Variants in KCTD8 observed in about 807,000 individuals in gnomAD.
The protein encoded by KCTD8 is potassium channel tetramerization domain containing 8.
A neutral mutation model predicts 31.5 loss-of-function variants in KCTD8; 27 were observed. The observed-to-expected ratio is 0.86, with a 90% CI of 0.63 to 1.18. KCTD8 has a LOEUF of 1.18. Among genes scored for constraint, KCTD8 ranks in the 50% most tolerant of loss-of-function variants. KCTD8 has a pLI of 0.00. For synonymous variants in KCTD8, 290 were observed against 280.0 expected (o/e 1.04, Z -0.36); for missense variants, 658 against 647.7 (o/e 1.02, Z -0.17).
chr4:44,380,891 G>A (rs1720047222), intron 1 of KCTD8, among the ~76,000 whole-genome samples: 1 of 151,952 alleles, frequency 6.6e-6, no homozygotes, highest in African/African-American at 2.4e-5. Flanking sequence ...AAAATGTGAA[G>A]ACTCTCAAAG....
At chr4:44,253,388 C>A (rs937193725) in intron 1 of KCTD8, among the ~76,000 whole-genome samples, 3 of 151,572 alleles carry the variant, frequency 2.0e-5, no homozygotes, top group Non-Finnish European at 3.0e-5. Context: ...AAGCATTTGT[C>A]TCTGGTGGAT....
At chr4:44,424,992 T>C (rs530915980) in intron 1 of KCTD8, among the ~76,000 whole-genome samples, 20 of 151,932 alleles carry the variant, frequency 1.3e-4, no homozygotes, top group Admixed American at 4.6e-4. Flanking sequence ...CCTAATCCAA[T>C]ATGACTGGTA....
chr4:44,233,068 A>G (rs10031392), intron 1 of KCTD8, among the ~76,000 whole-genome samples: 71,862 of 151,744 alleles, frequency 0.47, 17,220 homozygotes, highest in East Asian at 0.54. Flanking sequence ...CTTTGCTAAT[A>G]TTTTTAATTT....
intron 1 of KCTD8, among the ~76,000 whole-genome samples, chr4:44,403,978 A>C (rs867753866): frequency 1.3e-5 from 2 of 152,126 alleles, no homozygotes; most frequent in South Asian, 4.1e-4. Flanking sequence ...CTTCGTACTT[A>C]ATTTGGTATT....
intron 1 of KCTD8, among the ~76,000 whole-genome samples, chr4:44,249,915 A>T (rs1054839919): frequency 6.6e-6 from 1 of 151,616 alleles, no homozygotes; most frequent in African/African-American, 2.4e-5. Context: ...AGTAACCACT[A>T]TTCTGAAATT....
At chr4:44,370,083 T>G (rs1719743563) in intron 1 of KCTD8, among the ~76,000 whole-genome samples, 1 of 152,202 alleles carries the variant, frequency 6.6e-6, no homozygotes, top group South Asian at 2.1e-4. Context: ...GATATCATGG[T>G]TGAGTTCTCT....
At chr4:44,380,699 G>C (rs905153638) in intron 1 of KCTD8, among the ~76,000 whole-genome samples, 22 of 151,904 alleles carry the variant, frequency 1.4e-4, no homozygotes, top group African/African-American at 4.8e-4. Context: ...TCACTTTGCA[G>C]TGAATAAAGA....
chr4:44,226,498 C>T (rs1376330879), intron 1 of KCTD8, among the ~76,000 whole-genome samples: 5 of 152,144 alleles, frequency 3.3e-5, no homozygotes, highest in Non-Finnish European at 7.4e-5. Context: ...TTGCAATAAA[C>T]ATATGTGTGC....
chr4:44,218,773 C>T (rs1714725458), intron 1 of KCTD8, among the ~76,000 whole-genome samples: 1 of 151,920 alleles, frequency 6.6e-6, no homozygotes, highest in African/African-American at 2.4e-5. Context: ...CCTAGTTATA[C>T]AAGAATTAGG....
chr4:44,222,519 T>C (rs1227759989), intron 1 of KCTD8, among the ~76,000 whole-genome samples: 1 of 152,114 alleles, frequency 6.6e-6, no homozygotes, highest in Non-Finnish European at 1.5e-5. Flanking sequence ...AATCCATGGA[T>C]TGGGATGCTG....
intron 1 of KCTD8, among the ~76,000 whole-genome samples, chr4:44,178,451 C>T (rs1713282416): frequency 6.6e-6 from 1 of 152,000 alleles, no homozygotes; most frequent in African/African-American, 2.4e-5. Context: ...CACCCTAATA[C>T]AACATAGTAT....
At chr4:44,415,136 G>T (rs1049226183) in intron 1 of KCTD8, among the ~76,000 whole-genome samples, 7 of 152,282 alleles carry the variant, frequency 4.6e-5, no homozygotes, top group South Asian at 2.1e-4. Context: ...GCTGCATTGT[G>T]TTCATGTTCT....
chr4:44,299,452 C>G (rs568523987), intron 1 of KCTD8, among the ~76,000 whole-genome samples: 2 of 152,116 alleles, frequency 1.3e-5, no homozygotes, highest in Non-Finnish European at 2.9e-5. Context: ...GGGTGCCTGC[C>G]GGGCGCGGTG....
intron 1 of KCTD8, among the ~76,000 whole-genome samples, chr4:44,305,787 A>G (rs1164964841): frequency 2.6e-5 from 4 of 151,904 alleles, no homozygotes; most frequent in African/African-American, 9.7e-5. Flanking sequence ...TATAAATTAG[A>G]CATTTATAAA....
At chr4:44,434,347 C>T (rs575303449) in intron 1 of KCTD8, among the ~76,000 whole-genome samples, 25 of 151,956 alleles carry the variant, frequency 1.6e-4, no homozygotes, top group African/African-American at 5.8e-4. Context: ...TTCTATGCGT[C>T]ATATCATTTA....
intron 1 of KCTD8, among the ~76,000 whole-genome samples, chr4:44,327,033 T>C (rs1248134568): frequency 6.6e-6 from 1 of 151,922 alleles, no homozygotes; most frequent in East Asian, 1.9e-4. Flanking sequence ...TTCAGAACAC[T>C]TTCAAGGAAG....
At chr4:44,428,674 C>G (rs1721403257) in intron 1 of KCTD8, among the ~76,000 whole-genome samples, 1 of 151,748 alleles carries the variant, frequency 6.6e-6, no homozygotes, top group Non-Finnish European at 1.5e-5. Flanking sequence ...TACTTCTAAA[C>G]TAGAAAACAC....
chr4:44,260,112 A>G (rs1321386996), intron 1 of KCTD8, among the ~76,000 whole-genome samples: 1 of 151,778 alleles, frequency 6.6e-6, no homozygotes, highest in Non-Finnish European at 1.5e-5. Flanking sequence ...GCAAAATGAG[A>G]ACATCAAATG....
At chr4:44,361,598 G>T (rs1011671566) in intron 1 of KCTD8, among the ~76,000 whole-genome samples, 11 of 152,096 alleles carry the variant, frequency 7.2e-5, no homozygotes, top group Non-Finnish European at 1.6e-4. Flanking sequence ...AAATATTCAA[G>T]GTGATATGTA....
Sources: allele counts gnomAD v4.1 joint callset (sites outside exome capture counted in the v4.1 genomes callset), GRCh38; gene constraint gnomAD v4.1.1; transcripts MANE v1.5; gene names NCBI Gene and HGNC (gene_info 2026-07-23, HGNC 2026-07-21).